EVI5: variants seen among roughly 807,000 people sequenced by gnomAD.
EVI5 encodes the protein ecotropic viral integration site 5 protein homolog.
In EVI5, 73 loss-of-function variants were observed where a neutral mutation model predicts 112.0. That is an observed-to-expected ratio of 0.65 (90% CI 0.54 to 0.79). EVI5 has a LOEUF of 0.79. Among genes scored for constraint, EVI5 ranks in the 30% least tolerant of loss-of-function variants. EVI5 has a pLI of 0.00. For missense variants in EVI5, 900 were observed against 968.8 expected (o/e 0.93, Z 0.94); for synonymous variants, 305 against 319.9 (o/e 0.95, Z 0.50).
intron 19 of EVI5, among the ~76,000 whole-genome samples, chr1:92,514,995 G>C (rs1008161829): frequency 3.5e-4 from 54 of 152,174 alleles, no homozygotes; most frequent in African/African-American, 1.2e-3. Context: ...TTCTGCATGG[G>C]GGGAGTGCCA....
chr1:92,609,737 C>G (rs908913745), intron 16 of EVI5, among the ~76,000 whole-genome samples: 1 of 152,118 alleles, frequency 6.6e-6, no homozygotes. Context: ...AAAGACCCCC[C>G]TCCAGTTTTA....
At chr1:92,658,487 C>G (rs934730861) in intron 13 of EVI5, among the ~76,000 whole-genome samples, 6 of 151,982 alleles carry the variant, frequency 3.9e-5, no homozygotes, top group Admixed American at 3.9e-4. Context: ...ACAACAGCTA[C>G]AAAAAAATTT....
chr1:92,604,024 T>C (rs993830316), intron 18 of EVI5, among the ~76,000 whole-genome samples: 1 of 151,886 alleles, frequency 6.6e-6, no homozygotes, highest in Non-Finnish European at 1.5e-5. Context: ...CATGAGTCAT[T>C]ACACCTGATG....
At chr1:92,541,001 G>A (rs1450612197) in intron 19 of EVI5, among the ~76,000 whole-genome samples, 1 of 152,162 alleles carries the variant, frequency 6.6e-6, no homozygotes, top group African/African-American at 2.4e-5. Context: ...TTGGCCCCGG[G>A]AGGCGGAGGT....
chr1:92,614,503 G>A (rs2101673162), intron 16 of EVI5, among the ~76,000 whole-genome samples: 1 of 152,212 alleles, frequency 6.6e-6, no homozygotes, highest in East Asian at 1.9e-4. Context: ...GAGTCAGTGG[G>A]ATGGGAAAGG....
Position 92,512,769 on chromosome 1 carries a change from G to A in EVI5, c.*887C>T, listed in dbSNP as rs1038148520. On this transcript the variant is annotated 3_prime_UTR_variant, in exon 20 of 20. Coordinates refer to ENST00000684568, the MANE Select transcript of EVI5 (RefSeq NM_001350197.2). ...GTTTATAAAATTATATAGAATAAAG[G>A]CTTTGTGTGTGGGGACTTTCAGTGG... 6.6e-6 allele frequency: 1 copy of A among 151,766 alleles called. No individual in the cohort carries two copies. Among genetic ancestry groups the A allele is most frequent in the Non-Finnish European group, 1.5e-5 (1 of 67,964 alleles). The allele number at this position is 151,766 out of a possible 1,614,324, so 9.4% of individuals were successfully genotyped here.
intron 19 of EVI5, among the ~76,000 whole-genome samples, chr1:92,529,069 T>G (rs943895851): frequency 1.3e-5 from 2 of 152,232 alleles, no homozygotes; most frequent in African/African-American, 4.8e-5. Flanking sequence ...CAGTAAGTTA[T>G]GTATTTAGAT....
chr1:92,740,313 G>A (rs1437849393), intron 1 of EVI5, among the ~76,000 whole-genome samples: 3 of 152,102 alleles, frequency 2.0e-5, no homozygotes, highest in African/African-American at 7.2e-5. Context: ...GGCTATTGAG[G>A]ACTAAGAGAC....
Position 92,624,173 on chromosome 1 carries a change from T to C in EVI5, c.1827+3A>G. 1 of 1,612,414 alleles carries C rather than the reference T, an allele frequency of 6.2e-7. No individual in the cohort carries two copies. ...TTAAAGATACTGGGCTTTCCCATCA[T>C]ACCTGTGTTTCCATTTCCATCATCC... On this transcript the variant is annotated splice_donor_region_variant and intron_variant, in intron 16 of 19. Transcript: ENST00000684568.
intron 19 of EVI5, among the ~76,000 whole-genome samples, chr1:92,562,913 T>A (rs1403249363): frequency 6.6e-6 from 1 of 152,172 alleles, no homozygotes; most frequent in African/African-American, 2.4e-5. Flanking sequence ...ATCTCATCAC[T>A]GTGAATAAAC....
chr1:92,578,555 C>T (rs1179792708), intron 18 of EVI5, among the ~76,000 whole-genome samples: 1 of 151,868 alleles, frequency 6.6e-6, no homozygotes, highest in Non-Finnish European at 1.5e-5. Flanking sequence ...ATCTACTAAA[C>T]AAAATACAAA....
At chr1:92,738,870 C>T (rs966306059) in intron 1 of EVI5, among the ~76,000 whole-genome samples, 1 of 152,054 alleles carries the variant, frequency 6.6e-6, no homozygotes, top group African/African-American at 2.4e-5. Context: ...TTTTCCTCAA[C>T]CTAGGGTAAA....
intron 1 of EVI5, among the ~76,000 whole-genome samples, chr1:92,744,326 T>C (rs983928670): frequency 3.9e-5 from 6 of 152,176 alleles, no homozygotes; most frequent in African/African-American, 1.4e-4. Flanking sequence ...TTAAATCCAG[T>C]TGATAAATGG....
intron 1 of EVI5, among the ~76,000 whole-genome samples, chr1:92,783,706 C>T (rs747604592): frequency 1.4e-5 from 2 of 146,178 alleles, no homozygotes; most frequent in South Asian, 4.4e-4. Flanking sequence ...CAGCTACTCG[C>T]GGGGCTGAGG....
chr1:92,784,197 CAG>C (rs1558259497), intron 1 of EVI5: 1 of 524,414 alleles, frequency 1.9e-6, no homozygotes, highest in Non-Finnish European at 2.4e-6. Flanking sequence ...CAGACAGACA[CAG>C]GGAAATCACA....
At chr1:92,632,230 T>G (rs1657325074) in intron 14 of EVI5, among the ~76,000 whole-genome samples, 1 of 152,206 alleles carries the variant, frequency 6.6e-6, no homozygotes, top group Non-Finnish European at 1.5e-5. Flanking sequence ...CTTTTTCTAT[T>G]GATTGGAATA....
intron 14 of EVI5, among the ~76,000 whole-genome samples, chr1:92,634,536 C>T (rs1658294402): frequency 6.6e-6 from 1 of 152,162 alleles, no homozygotes; most frequent in East Asian, 1.9e-4. Context: ...CCATCAGGTC[C>T]TTTAAGGACT....
intron 14 of EVI5, among the ~76,000 whole-genome samples, chr1:92,627,740 T>C (rs1325402241): frequency 6.6e-6 from 1 of 152,186 alleles, no homozygotes; most frequent in East Asian, 1.9e-4. Flanking sequence ...AAGATGGTAT[T>C]ACATTGTGGT....
chr1:92,713,365 T>C (rs1324388974), intron 2 of EVI5, among the ~76,000 whole-genome samples: 1 of 151,434 alleles, frequency 6.6e-6, no homozygotes, highest in Admixed American at 6.6e-5. Context: ...TGGTCGACCA[T>C]ACTAGACCAT....
Sources: allele counts gnomAD v4.1 joint callset (sites outside exome capture counted in the v4.1 genomes callset), GRCh38; gene constraint gnomAD v4.1.1; transcripts MANE v1.5; gene names NCBI Gene and HGNC (gene_info 2026-07-23, HGNC 2026-07-21).